PEX14: variants seen among roughly 807,000 people sequenced by gnomAD.
PEX14 encodes the protein peroxisomal membrane protein PEX14.
PEX14 carries 15 observed loss-of-function variants against 49.5 expected under a neutral mutation model. The ratio of observed to expected loss-of-function variants is 0.30; its 90% confidence interval spans 0.20 to 0.47. The LOEUF (loss-of-function observed/expected upper bound fraction) is 0.47. Ranked by LOEUF, PEX14 falls within the 20% of genes least tolerant of loss-of-function variation. PEX14 has a pLI of 1.00. For missense variants in PEX14, 398 were observed against 494.8 expected, an observed-to-expected ratio of 0.80 and a Z score of 1.86; for synonymous variants, 210 against 212.7, an observed-to-expected ratio of 0.99 and a Z score of 0.11.
intron 1 of PEX14, among the ~76,000 whole-genome samples, chr1:10,491,481 A>G (rs1248732163): frequency 6.8e-6 from 1 of 148,120 alleles, no homozygotes; most frequent in East Asian, 1.9e-4. Context: ...CCTGGGATCA[A>G]GCGAGCCTCC....
chr1:10,480,416 C>T (rs1387072534), intron 1 of PEX14, among the ~76,000 whole-genome samples: 38 of 108,840 alleles, frequency 3.5e-4, no homozygotes, highest in African/African-American at 1.3e-3. Flanking sequence ...TTTTTTGAGA[C>T]GGAGTCTTGC....
At chr1:10,519,875 A>G (rs1638223582) in intron 2 of PEX14, among the ~76,000 whole-genome samples, 1 of 151,942 alleles carries the variant, frequency 6.6e-6, no homozygotes, top group South Asian at 2.1e-4. Flanking sequence ...CTTCCGGCCG[A>G]AGTGATCCTC....
rs529716240 is a variant in PEX14 at position 10,504,064 on chromosome 1, T to C, written c.84+8743T>C. Among the ~76,000 whole-genome samples, 3 of 152,294 alleles carry C rather than the reference T, an allele frequency of 2.0e-5. No homozygotes were observed. The East Asian group carries it at 5.8e-4, about 29-fold the overall frequency. Reference sequence around the variant, plus strand: ...TCCAGGATAATTGTAATTTAAAATATTTTAGCTCATTGTCAAACCACGCAG... The same window carrying C: ...TCCAGGATAATTGTAATTTAAAATACTTTAGCTCATTGTCAAACCACGCAG... On this transcript the variant is annotated intron_variant, in intron 2 of 8. Coordinates refer to ENST00000356607, the MANE Select transcript of PEX14 (RefSeq NM_004565.3).
chr1:10,621,498 C>T (rs764609729), intron 5 of PEX14, among the ~76,000 whole-genome samples: 1 of 152,124 alleles, frequency 6.6e-6, no homozygotes, highest in Non-Finnish European at 1.5e-5. Context: ...AGGCATGCGC[C>T]ACCACACTCA....
intron 6 of PEX14, 79 bp from the exon 7 acceptor site, chr1:10,624,261 C>T: frequency 1.1e-6 from 1 of 903,146 alleles, no homozygotes; most frequent in Non-Finnish European, 1.9e-6. Flanking sequence ...ACACGGGCAG[C>T]TCCGAGGTGT....
At chr1:10,614,265 G>A (rs1641350294) in intron 4 of PEX14, among the ~76,000 whole-genome samples, 1 of 152,178 alleles carries the variant, frequency 6.6e-6, no homozygotes, top group Admixed American at 6.5e-5. Flanking sequence ...TCCAAAACGA[G>A]TAAAATGGCA....
intron 5 of PEX14, among the ~76,000 whole-genome samples, chr1:10,621,843 C>G (rs1216650763): frequency 2.6e-5 from 4 of 152,086 alleles, no homozygotes; most frequent in South Asian, 4.1e-4. Context: ...TCCCACAAAC[C>G]CCTTGTGAGA....
intron 2 of PEX14, among the ~76,000 whole-genome samples, chr1:10,530,617 C>T (rs1334449317): frequency 6.6e-6 from 1 of 152,206 alleles, no homozygotes; most frequent in Non-Finnish European, 1.5e-5. Flanking sequence ...TGCAGAGGCG[C>T]GTATTGAATT....
At chr1:10,612,972 TC>T (rs1455751475) in intron 4 of PEX14, among the ~76,000 whole-genome samples, 1 of 152,192 alleles carries the variant, frequency 6.6e-6, no homozygotes, top group Non-Finnish European at 1.5e-5. Flanking sequence ...GCTGCCAGCC[TC>T]CCCAAGGACG....
At chr1:10,508,492 T>C (rs760629403) in intron 2 of PEX14, among the ~76,000 whole-genome samples, 2 of 152,080 alleles carry the variant, frequency 1.3e-5, no homozygotes, top group Non-Finnish European at 2.9e-5. Flanking sequence ...CGCCCGGCCT[T>C]GGATGTGCCA....
intron 2 of PEX14, among the ~76,000 whole-genome samples, chr1:10,506,342 T>C (rs1004749603): frequency 1.4e-4 from 22 of 152,182 alleles, no homozygotes; most frequent in Non-Finnish European, 2.9e-4. Context: ...TGCAATGGCA[T>C]GATCTTGCTC....
chr1:10,577,556 ATATATATTT>A (rs1640175785), intron 3 of PEX14, among the ~76,000 whole-genome samples: 1 of 5,892 alleles, frequency 1.7e-4, no homozygotes, highest in African/African-American at 3.7e-4. Flanking sequence ...ATATATATAT[ATATATATTT>A]TTTTTTTTTT....
At chr1:10,484,087 G>T (rs1420026346) in intron 1 of PEX14, among the ~76,000 whole-genome samples, 1 of 146,624 alleles carries the variant, frequency 6.8e-6, no homozygotes, top group Non-Finnish European at 1.5e-5. Flanking sequence ...GAAGTGAAGT[G>T]GCTCAGTCTT....
In PEX14 at chr1:10,529,170, G is replaced by A. The variant is rs895707108; in HGVS notation, c.85-7043G>A. On this transcript the variant is annotated intron_variant, in intron 2 of 8. Transcript: ENST00000356607. The surrounding 1 kb of genome is among the most constrained non-coding windows in gnomAD (Gnocchi z 4.2). The stretch of plus-strand genomic sequence containing the variant: ...TTCTTTCTCCCTGAAGGAGAAAAAC[G>A]CTTTTCCTTCTCAACCTTTCCTAAA... Among the ~76,000 whole-genome samples the A allele has an allele frequency of 6.6e-6, 1 of 152,174 alleles. No homozygotes were observed. Among genetic ancestry groups the A allele is most frequent in the Admixed American group, 6.5e-5 (1 of 15,278 alleles).
chr1:10,571,398 C>G (rs7512680), intron 3 of PEX14, among the ~76,000 whole-genome samples: 146,626 of 150,856 alleles, frequency 0.97, 71,395 homozygotes, highest in East Asian at 1. Flanking sequence ...ATAGGGTTTT[C>G]TTGTTTATGA....
At chr1:10,577,560 ATATTTTTTTTTTTTTTTTTTTTTTTTTT>A (rs1640179952) in intron 3 of PEX14, among the ~76,000 whole-genome samples, 3 of 4,432 alleles carry the variant, frequency 6.8e-4, no homozygotes, top group East Asian at 0.014. Flanking sequence ...ATATATATAT[ATATTTTTTTTTTTTTTTTTTTTTTTTTT>A]TTTTTTTTTT....
In PEX14 at chr1:10,529,873, A is replaced by G. The variant is rs1638595068; in HGVS notation, c.85-6340A>G. Among the ~76,000 whole-genome samples, 1 of 152,244 alleles carries G rather than the reference A, an allele frequency of 6.6e-6. No homozygotes were observed. The highest frequency in any genetic ancestry group is 1.5e-5 in the Non-Finnish European group (1 of 68,050). ...AAGGAAATTAGGGCCCACAAGCTTA[A>G]TTAGTATAGTGTTGTAACCCAAATC... is the stretch of plus-strand genomic sequence containing the variant. On this transcript the variant is annotated intron_variant, in intron 2 of 8. Coordinates refer to ENST00000356607, the MANE Select transcript of PEX14 (RefSeq NM_004565.3). This position sits in a 1 kb window ranked among gnomAD's most constrained non-coding sequence, Gnocchi z 4.2.
intron 2 of PEX14, among the ~76,000 whole-genome samples, chr1:10,502,106 C>T (rs76282123): frequency 0.15 from 22,259 of 152,112 alleles, 2,023 homozygotes; most frequent in South Asian, 0.32. Context: ...TCAGATCCAG[C>T]ATCCTGGGCC....
intron 2 of PEX14, among the ~76,000 whole-genome samples, chr1:10,510,151 A>G (rs1641857702): frequency 6.6e-6 from 1 of 152,124 alleles, no homozygotes; most frequent in Admixed American, 6.5e-5. Context: ...GGACTTTGGC[A>G]TCTCTAATTG....
Sources: gnomAD v4.1 joint callset for allele counts (sites outside exome capture counted in the v4.1 genomes callset) on GRCh38, gnomAD v4.1.1 for gene constraint, Gnocchi (gnomAD v3.1) non-coding constraint, MANE v1.5 for transcripts, NCBI Gene and HGNC (gene_info 2026-07-23, HGNC 2026-07-21) for gene names.